The following DCAF8L2 variants were observed in gnomAD, a reference collection of about 807,000 sequenced individuals.
DCAF8L2 encodes the protein DDB1 and CUL4 associated factor 8 like 2, also known as DDB1- and CUL4-associated factor 8-like protein 2.
For missense variants in DCAF8L2, 430 were observed against 490.7 expected, an observed-to-expected ratio of 0.88 and a Z score of 1.17; for synonymous variants, 200 against 190.9, an observed-to-expected ratio of 1.05 and a Z score of -0.39.
intron 1 of DCAF8L2, among the ~76,000 whole-genome samples, chrX:27,631,215 TC>T (rs1243685924): frequency 1.8e-5 from 2 of 111,465 alleles, no homozygotes; most frequent in East Asian, 2.8e-4. Flanking sequence ...ATAAAACTGA[TC>T]AACAAACTAG....
intron 3 of DCAF8L2, among the ~76,000 whole-genome samples, chrX:27,713,978 T>A (rs906572111): frequency 8.9e-6 from 1 of 111,863 alleles, no homozygotes; most frequent in Admixed American, 9.5e-5. Context: ...TCCATTTTAA[T>A]AGAATTTAGG....
intron 2 of DCAF8L2, among the ~76,000 whole-genome samples, chrX:27,660,183 C>T (rs1230863978): frequency 1.8e-5 from 2 of 110,883 alleles, no homozygotes; most frequent in East Asian, 2.9e-4. Context: ...CCATCACGCC[C>T]GGCTAACTTT....
At position 27,749,220 on chromosome X, in the gene DCAF8L2, G is replaced by A. The variant is rs960490427; in HGVS notation, c.*429G>A. Among the ~76,000 whole-genome samples the A allele has an allele frequency of 3.6e-5, 4 of 111,470 alleles. No individual in the cohort carries two copies. Among genetic ancestry groups the A allele is most frequent in the African/African-American group, 9.8e-5 (3 of 30,671 alleles). On this transcript the variant is annotated 3_prime_UTR_variant, in exon 5 of 5. Coordinates refer to ENST00000451261, the MANE Select transcript of DCAF8L2 (RefSeq NM_001353450.2). ...TCTTTAACAATTTTTTCTGAAGATC[G>A]AGTTCCTCAGTTGACCTGAAAATTT...
chrX:27,597,049 T>C (rs1411332698), intron 1 of DCAF8L2, among the ~76,000 whole-genome samples: 1 of 111,865 alleles, frequency 8.9e-6, no homozygotes, highest in Non-Finnish European at 1.9e-5. Flanking sequence ...TTGCAAAGAA[T>C]ACTCACTGAA....
chrX:27,687,721 G>A (rs1335992485), intron 3 of DCAF8L2, among the ~76,000 whole-genome samples: 1 of 111,281 alleles, frequency 9.0e-6, no homozygotes, highest in Non-Finnish European at 1.9e-5. Context: ...GGTCCTGGTC[G>A]TGCATGTGTG....
chrX:27,642,544 T>A (rs1197790008), intron 2 of DCAF8L2, among the ~76,000 whole-genome samples: 1 of 110,977 alleles, frequency 9.0e-6, no homozygotes, highest in Non-Finnish European at 1.9e-5. Context: ...GATGGGACTC[T>A]GCAGATCCTC....
At chrX:27,540,540 T>G in the DCAF8L2 span, among the ~76,000 whole-genome samples, 28 of 111,664 alleles carry the variant, frequency 2.5e-4, no homozygotes, top group South Asian at 7.6e-4. Flanking sequence ...AAGTAGATAG[T>G]AGAATAGTGG....
intron 2 of DCAF8L2, among the ~76,000 whole-genome samples, chrX:27,643,423 T>C (rs1480700080): frequency 8.9e-6 from 1 of 111,857 alleles, no homozygotes; most frequent in Non-Finnish European, 1.9e-5. Context: ...GCTATTCTTT[T>C]TTTGTACTCT....
the DCAF8L2 span, among the ~76,000 whole-genome samples, chrX:27,489,935 T>G: frequency 8.9e-6 from 1 of 111,925 alleles, no homozygotes; most frequent in South Asian, 3.8e-4. Flanking sequence ...TGGATTGCAG[T>G]GGCACAATCA....
chrX:27,620,283 G>T (rs766653621), intron 1 of DCAF8L2, among the ~76,000 whole-genome samples: 1 of 111,198 alleles, frequency 9.0e-6, no homozygotes, highest in African/African-American at 3.3e-5. Context: ...ACTTTGATTC[G>T]GTAGTACCAC....
chrX:27,504,924 T>A, the DCAF8L2 span, among the ~76,000 whole-genome samples: 2 of 111,409 alleles, frequency 1.8e-5, no homozygotes, highest in African/African-American at 3.3e-5. Context: ...TTTGTTTCAG[T>A]TTCTGGCAGA....
chrX:27,529,800 A>G, the DCAF8L2 span, among the ~76,000 whole-genome samples: 2 of 112,091 alleles, frequency 1.8e-5, no homozygotes, highest in Admixed American at 9.5e-5. Flanking sequence ...GAACCTCACA[A>G]TAAAGATTGT....
intron 2 of DCAF8L2, among the ~76,000 whole-genome samples, chrX:27,637,516 C>T (rs1045459786): frequency 8.9e-6 from 1 of 112,026 alleles, no homozygotes; most frequent in South Asian, 3.7e-4. Context: ...CAGCACACAA[C>T]TTCAGATGGC....
At chrX:27,557,767 A>AACACTCCCCATGGCT in the DCAF8L2 span, among the ~76,000 whole-genome samples, 10,750 of 111,093 alleles carry the variant, frequency 0.097, 418 homozygotes, top group Non-Finnish European at 0.12. Flanking sequence ...TCCACGTGGA[A>AACACTCCCCATGGCT]GAGCAGCAAG....
the DCAF8L2 span, among the ~76,000 whole-genome samples, chrX:27,547,792 T>C: frequency 9.2e-6 from 1 of 108,956 alleles, no homozygotes; most frequent in Non-Finnish European, 1.9e-5. Context: ...GATCTTTTGG[T>C]TTAAAATTGT....
Position 27,670,120 on chromosome X carries a change from G to T in DCAF8L2, c.-219-7716G>T, listed in dbSNP as rs191601366. On this transcript the variant is annotated intron_variant, in intron 2 of 4. Transcript: ENST00000451261. Reference sequence around the variant, plus strand: ...TTGTTTTATAGTGTTTTTTTTGTTTGTTTTTTTTTTTAGTTTGTGACTACC... The same window carrying T: ...TTGTTTTATAGTGTTTTTTTTGTTTTTTTTTTTTTTTAGTTTGTGACTACC... Among the ~76,000 whole-genome samples, 362 of 100,269 alleles carry T rather than the reference G, an allele frequency of 3.6e-3. 1 individual carries two copies. The highest frequency in any genetic ancestry group is 0.012 in the African/African-American group (331 of 27,745). 87.1% of individuals were successfully genotyped at this position (100,269 alleles called of 115,157 possible). A position where few individuals can be genotyped will look rare whatever the true frequency, so the allele number is the denominator to read the frequency against.
chrX:27,484,649 A>G, the DCAF8L2 span, among the ~76,000 whole-genome samples: 3 of 111,655 alleles, frequency 2.7e-5, no homozygotes, highest in Admixed American at 2.9e-4. Flanking sequence ...TTTTCATAAA[A>G]CATTATTTTC....
At chrX:27,692,776 C>A (rs1930757775) in intron 3 of DCAF8L2, among the ~76,000 whole-genome samples, 1 of 111,213 alleles carries the variant, frequency 9.0e-6, no homozygotes, top group Admixed American at 9.6e-5. Context: ...TGGAAAGTTT[C>A]TGGAGACACT....
chrX:27,630,868 C>T (rs891871435), intron 1 of DCAF8L2, among the ~76,000 whole-genome samples: 4 of 112,173 alleles, frequency 3.6e-5, no homozygotes, highest in Non-Finnish European at 7.5e-5. Flanking sequence ...ATTGCTGCCT[C>T]GCCACTTGGC....
Sources: allele counts gnomAD v4.1 joint callset (sites outside exome capture counted in the v4.1 genomes callset), GRCh38; gene constraint gnomAD v4.1.1; transcripts MANE v1.5; gene names NCBI Gene and HGNC (gene_info 2026-07-23, HGNC 2026-07-21).